Variants in RRP1B observed in about 807,000 individuals in gnomAD.
The protein encoded by RRP1B is ribosomal RNA processing 1B.
Under a neutral mutation model 80.2 loss-of-function variants are expected in RRP1B, and 56 were observed. The ratio of observed to expected loss-of-function variants is 0.70; its 90% CI spans 0.56 to 0.87. RRP1B has a LOEUF of 0.87. RRP1B is among the 40% of genes least tolerant of loss of function. RRP1B has a pLI of 0.00. For missense variants in RRP1B, 807 were observed against 939.8 expected (o/e 0.86, Z 1.85); for synonymous variants, 351 against 357.6 (o/e 0.98, Z 0.21).
In RRP1B at chr21:43,676,862, G is replaced by C. The variant is rs760741336; in HGVS notation, c.744G>C (p.Glu248Asp). ...GTGATGGTGACCTCTCTGCTGAGGA[G>C]ATACCTGAAAATGAGGTATCCTTGA... ...KVGDGDLSAE[E>D]IPENEVSLRR... is the part of the protein sequence containing the mutation. The change falls in exon 8 of 16, where the codon GAG (glutamate) becomes GAC (aspartate). Residue 248 changes from glutamate to aspartate, a missense_variant. Coordinates refer to ENST00000340648, the MANE Select transcript of RRP1B (RefSeq NM_015056.3). 1 of 1,614,236 alleles carries C rather than the reference G, an allele frequency of 6.2e-7. No homozygotes were observed. Among genetic ancestry groups the C allele is most frequent in the East Asian group, 2.2e-5 (1 of 44,892 alleles).
At chr21:43,686,733 C>G in intron 11 of RRP1B, 71 bp from the exon 12 acceptor site, 1 of 1,573,386 alleles carries the variant, frequency 6.4e-7, no homozygotes, top group African/African-American at 1.4e-5. Context: ...GGGAGGGGTG[C>G]TGCTCTTAGG....
At chr21:43,685,852 G>A (rs1288667779) in intron 11 of RRP1B, 63 bp downstream of exon 11, 32 of 1,544,322 alleles carry the variant, frequency 2.1e-5, no homozygotes, top group Middle Eastern at 1.7e-4. Context: ...CACTGGGGGC[G>A]TTGATGCCAA....
Position 43,675,205 on chromosome 21 carries a change from G to A in RRP1B, c.549+42G>A, listed in dbSNP as rs372633544. 4.1e-5 allele frequency: 66 copies of A among 1,600,474 alleles called. No individual in the cohort carries two copies. The African/African-American group carries it at 5.9e-4, about 14-fold the overall frequency. On this transcript the variant is annotated intron_variant, in intron 6 of 15. Coordinates refer to ENST00000340648, the MANE Select transcript of RRP1B (RefSeq NM_015056.3). Reference sequence around the variant, plus strand: ...AGGCTGCCCACGGGGTGAGGGGGCCGCCAGTGTTCGCAGTAGTCGCCAGTG... The same window carrying A: ...AGGCTGCCCACGGGGTGAGGGGGCCACCAGTGTTCGCAGTAGTCGCCAGTG...
intron 9 of RRP1B, 145 bp downstream of exon 9, chr21:43,683,518 GA>G: frequency 1.6e-6 from 1 of 613,390 alleles, no homozygotes; most frequent in Non-Finnish European, 2.9e-6. Context: ...GTCACCTTCT[GA>G]AGAATAACCT....
rs2082937543 is a variant in RRP1B, at chr21:43,659,562, G to A, written c.-103G>A. ...CCGCGCGCCGCCGCCGCCGCCTTCTGTGCAGTCGCGGCCCGGGCGGACGGT... is the reference window on the plus strand; with the variant it reads ...CCGCGCGCCGCCGCCGCCGCCTTCTATGCAGTCGCGGCCCGGGCGGACGGT... On this transcript the variant is annotated 5_prime_UTR_variant, in exon 1 of 16. In the 5' UTR this introduces an upstream ATG that the reference lacks. Transcript: ENST00000340648. The surrounding 1 kb of genome is among the most constrained non-coding windows in gnomAD (Gnocchi z 4.2). 2 of 1,197,424 alleles carry A rather than the reference G, an allele frequency of 1.7e-6. No individual in the cohort carries two copies. The highest frequency in any genetic ancestry group is 2.1e-6 in the Non-Finnish European group (2 of 961,264). 74.2% of individuals were successfully genotyped at this position (1,197,424 alleles called of 1,614,324 possible).
At position 43,665,610 on chromosome 21, in the gene RRP1B, G is replaced by A. The variant is rs149109757; in HGVS notation, c.131-4274G>A. Among the ~76,000 whole-genome samples, 396 of 152,184 alleles carry A rather than the reference G, an allele frequency of 2.6e-3. 1 individual carries two copies. Among genetic ancestry groups the A allele is most frequent in the Non-Finnish European group, 4.4e-3 (301 of 68,002 alleles). ...CGCTCAGGCTGGAGTGCAGTGGTGCGATCTTGGCTCACTGAAACCTCCGCC... is the reference window on the plus strand; with the variant it reads ...CGCTCAGGCTGGAGTGCAGTGGTGCAATCTTGGCTCACTGAAACCTCCGCC... On this transcript the variant is annotated intron_variant, in intron 1 of 15. Transcript: ENST00000340648.
At chr21:43,686,992 C>T in intron 12 of RRP1B, 57 bp downstream of exon 12, 1 of 1,578,052 alleles carries the variant, frequency 6.3e-7, no homozygotes, top group South Asian at 1.1e-5. Flanking sequence ...GCGGCATGCA[C>T]CATGGAGGCC....
intron 3 of RRP1B, among the ~76,000 whole-genome samples, chr21:43,673,544 G>T (rs935478312): frequency 4.0e-5 from 6 of 148,558 alleles, no homozygotes; most frequent in Admixed American, 2.8e-4. Context: ...TGAGGCAGGA[G>T]AATCACTTGA....
intron 12 of RRP1B, 80 bp downstream of exon 12, chr21:43,687,015 G>A: frequency 1.4e-6 from 2 of 1,470,012 alleles, no homozygotes; most frequent in Non-Finnish European, 1.9e-6. Context: ...GGAGACTTGA[G>A]CTCGTGCCGT....
chr21:43,683,429 C>A, intron 9 of RRP1B, 56 bp downstream of exon 9: 1 of 1,396,852 alleles, frequency 7.2e-7, no homozygotes, highest in Non-Finnish European at 1.0e-6. Context: ...AGTAGCCTGA[C>A]TAGAGAATTA....
chr21:43,661,968 C>T (rs577023048), intron 1 of RRP1B, among the ~76,000 whole-genome samples: 1 of 152,364 alleles, frequency 6.6e-6, no homozygotes, highest in African/African-American at 2.4e-5. Context: ...CTCCAGGGTT[C>T]TAAAACATCC....
chr21:43,676,218 C>T, intron 6 of RRP1B, 54 bp from the exon 7 acceptor site: 2 of 1,281,034 alleles, frequency 1.6e-6, no homozygotes, highest in Non-Finnish European at 2.2e-6. Flanking sequence ...TTTTCAAGGA[C>T]ATGTCAAGAA....
intron 13 of RRP1B, among the ~76,000 whole-genome samples, chr21:43,689,492 C>T (rs964921837): frequency 7.9e-5 from 12 of 152,212 alleles, no homozygotes; most frequent in African/African-American, 2.7e-4. Context: ...CCTCGAGTCT[C>T]TCCTACCTCA....
intron 8 of RRP1B, among the ~76,000 whole-genome samples, chr21:43,681,412 A>G (rs907031917): frequency 1.3e-5 from 2 of 150,716 alleles, no homozygotes; most frequent in Non-Finnish European, 1.5e-5. Context: ...CTGGAGTGCA[A>G]TGGCGCAATC....
At chr21:43,668,027 G>A (rs557399890) in intron 1 of RRP1B, among the ~76,000 whole-genome samples, 4 of 152,222 alleles carry the variant, frequency 2.6e-5, no homozygotes, top group Admixed American at 1.3e-4. Context: ...GGCCAACATG[G>A]TGAAACCTTG....
chr21:43,679,495 ACTC>A (rs1436224732), intron 8 of RRP1B, among the ~76,000 whole-genome samples: 1 of 151,272 alleles, frequency 6.6e-6, no homozygotes, highest in Non-Finnish European at 1.5e-5. Flanking sequence ...CTGATCTCGA[ACTC>A]CTGACCTCAA....
At chr21:43,665,512 G>A (rs2082974812) in intron 1 of RRP1B, among the ~76,000 whole-genome samples, 1 of 152,222 alleles carries the variant, frequency 6.6e-6, no homozygotes, top group African/African-American at 2.4e-5. Context: ...CAACTTGACA[G>A]AACATCTACG....
chr21:43,689,815 C>G (rs1351802431), intron 13 of RRP1B, among the ~76,000 whole-genome samples: 1 of 152,250 alleles, frequency 6.6e-6, no homozygotes, highest in African/African-American at 2.4e-5. Flanking sequence ...CCTCTGAGAG[C>G]CAAGTACGAG....
At chr21:43,683,072 C>T (rs576618336) in intron 8 of RRP1B, among the ~76,000 whole-genome samples, 31 of 152,240 alleles carry the variant, frequency 2.0e-4, no homozygotes, top group Non-Finnish European at 3.5e-4. Context: ...GGGGTTTCGC[C>T]ATGTTGCCCA....
Sources: allele counts gnomAD v4.1 joint callset (sites outside exome capture counted in the v4.1 genomes callset), GRCh38; gene constraint gnomAD v4.1.1; non-coding constraint Gnocchi (gnomAD v3.1); transcripts MANE v1.5; gene names NCBI Gene and HGNC (gene_info 2026-07-23, HGNC 2026-07-21).